The following RAB5B variants were observed in gnomAD, a reference collection of about 807,000 sequenced individuals.
RAB5B encodes RAB5B, member RAS oncogene family.
In RAB5B, 11 loss-of-function variants were observed where a neutral mutation model predicts 28.6. The observed-to-expected ratio is 0.38, with a 90% confidence interval of 0.24 to 0.64. The LOEUF (loss-of-function observed/expected upper bound fraction) is 0.64, where lower values mean the gene tolerates loss of function less well. RAB5B is among the 30% of genes least tolerant of loss of function. RAB5B has a pLI of 0.53. For missense variants in RAB5B, 169 were observed against 265.6 expected (o/e 0.64, Z 2.53); for synonymous variants, 93 against 97.9 (o/e 0.95, Z 0.29).
At chr12:55,975,886 GGAC>G (rs1889633478) in intron 1 of RAB5B, among the ~76,000 whole-genome samples, 1 of 150,626 alleles carries the variant, frequency 6.6e-6, no homozygotes, top group African/African-American at 2.4e-5. Context: ...CAAGTAGCTG[GGAC>G]TACAGGCGTG....
At chr12:55,975,790 CTT>C (rs1163535431) in intron 1 of RAB5B, among the ~76,000 whole-genome samples, 69 of 115,156 alleles carry the variant, frequency 6.0e-4, no homozygotes, top group African/African-American at 2.4e-3. Flanking sequence ...CACTACATTT[CTT>C]TTTTTTTTTT....
chr12:55,986,911 CTT>C lies in RAB5B; in HGVS notation c.-48_-47del. 1.3e-6 allele frequency: 1 copy of C among 752,548 alleles called. No individual in the cohort carries two copies. Among genetic ancestry groups the C allele is most frequent in the African/African-American group, 1.8e-5 (1 of 57,032 alleles). 46.6% of individuals were successfully genotyped at this position (752,548 alleles called of 1,614,324 possible). On this transcript the variant is annotated 5_prime_UTR_variant, in exon 2 of 6. Transcript: ENST00000360299. ...AATCCCCTCCCCTTCCCCCTCCCCC[CTT>C]TACAGTATCCCCCTCCCTCCACCCT...
chr12:55,992,556 A>G lies in RAB5B; in HGVS notation c.*344A>G, dbSNP rs978720535. On this transcript the variant is annotated 3_prime_UTR_variant, in exon 6 of 6. Transcript: ENST00000360299. ...TAGTGTTCCTCCCCATTTTTTCAGA[A>G]AACACTTCTGACTCCTGTCCCTTCC... 1.4e-4 allele frequency: 65 copies of G among 479,770 alleles called. No individual in the cohort carries two copies. Among genetic ancestry groups the G allele is most frequent in the African/African-American group, 1.2e-3 (62 of 51,134 alleles). 29.7% of individuals were successfully genotyped at this position (479,770 alleles called of 1,614,324 possible).
Position 55,992,565 on chromosome 12 carries a change from T to G in RAB5B, c.*353T>G. 2.1e-6 allele frequency: 1 copy of G among 473,718 alleles called. No homozygotes were observed. The highest frequency in any genetic ancestry group is 4.2e-6 in the Non-Finnish European group (1 of 238,298). 29.3% of individuals were successfully genotyped at this position (473,718 alleles called of 1,614,324 possible). A position where few individuals can be genotyped will look rare whatever the true frequency, so the allele number is the denominator to read the frequency against. ...TCCCCATTTTTTCAGAAAACACTTC[T>G]GACTCCTGTCCCTTCCCCTTCTGCT... On this transcript the variant is annotated 3_prime_UTR_variant, in exon 6 of 6. Coordinates refer to ENST00000360299, the MANE Select transcript of RAB5B (RefSeq NM_002868.4).
intron 1 of RAB5B, among the ~76,000 whole-genome samples, chr12:55,986,541 G>A (rs1244234750): frequency 6.6e-6 from 1 of 152,208 alleles, no homozygotes; most frequent in Non-Finnish European, 1.5e-5. Flanking sequence ...ATATTCTTCA[G>A]GCCAGCTAAA....
chr12:55,973,993 C>T (rs1001191972), upstream of RAB5B: 12 of 152,414 alleles, frequency 7.9e-5, no homozygotes, highest in African/African-American at 2.7e-4. Flanking sequence ...TATAGCCCAC[C>T]CTCGAAGGTA....
At chr12:55,974,524 C>T (rs1889591729) in intron 1 of RAB5B, among the ~76,000 whole-genome samples, 1 of 152,160 alleles carries the variant, frequency 6.6e-6, no homozygotes, top group Non-Finnish European at 1.5e-5. Context: ...AGGGTCAGAC[C>T]TGTCGCCCGA....
In RAB5B at chr12:55,992,654, C is replaced by A; in HGVS notation, c.*442C>A. ...CCCCAGGATGCAGAAAGTGGTGAAC[C>A]CAGGAACTGAGGAAGGAGGTTTCCA... On this transcript the variant is annotated 3_prime_UTR_variant, in exon 6 of 6. Transcript: ENST00000360299. 2.5e-6 allele frequency: 1 copy of A among 405,138 alleles called. No individual in the cohort carries two copies. Among genetic ancestry groups the A allele is most frequent in the Non-Finnish European group, 4.7e-6 (1 of 213,372 alleles). 25.1% of individuals were successfully genotyped at this position (405,138 alleles called of 1,614,324 possible).
In RAB5B at chr12:55,993,609, A is replaced by T. The variant is rs1274531229; in HGVS notation, c.*1397A>T. On this transcript the variant is annotated 3_prime_UTR_variant, in exon 6 of 6. Transcript: ENST00000360299. ...GGTATGATCTTTATTCCCACTGTAC[A>T]GTCTGTTCTATCCTCTGCCTCCCAT... 1 of 152,574 alleles carries T rather than the reference A, an allele frequency of 6.6e-6. No individual in the cohort carries two copies. The highest frequency in any genetic ancestry group is 1.5e-5 in the Non-Finnish European group (1 of 68,046). 9.5% of individuals were successfully genotyped at this position (152,574 alleles called of 1,614,324 possible).
chr12:55,995,990 TATA>T lies in RAB5B; in HGVS notation c.*3779_*3781del, dbSNP rs1565793128. 3 of 113,124 alleles carry T rather than the reference TATA, an allele frequency of 2.7e-5. 1 individual carries two copies. The highest frequency in any genetic ancestry group is 1.1e-4 in the African/African-American group (3 of 28,068). The allele number at this position is 113,124 out of a possible 1,614,324, so 7.0% of individuals were successfully genotyped here. On this transcript the variant is annotated 3_prime_UTR_variant, in exon 6 of 6. Transcript: ENST00000360299. ...CTCTCTCCATATATATATACATATA[TATA>T]TATATATATATTTTTTTTTTAACAA... is the stretch of plus-strand genomic sequence containing the variant.
chr12:55,974,441 G>A (rs1386492611), intron 1 of RAB5B, among the ~76,000 whole-genome samples: 2 of 152,252 alleles, frequency 1.3e-5, no homozygotes, highest in Admixed American at 6.5e-5. Flanking sequence ...TCATTAAGCA[G>A]CGCTGAAGAG....
intron 4 of RAB5B, 98 bp downstream of exon 4, chr12:55,990,902 T>A: frequency 6.9e-7 from 1 of 1,448,932 alleles, no homozygotes; most frequent in South Asian, 1.3e-5. Context: ...ACAGAGGACA[T>A]TCATTGTCTC....
chr12:55,987,312 C>T (rs766749669), intron 2 of RAB5B, among the ~76,000 whole-genome samples, 189 bp downstream of exon 2: 9 of 151,858 alleles, frequency 5.9e-5, no homozygotes, highest in Admixed American at 5.2e-4. Context: ...AGGTGCACAC[C>T]GTGGCACCTG....
intron 2 of RAB5B, among the ~76,000 whole-genome samples, chr12:55,988,385 G>C (rs1011345531): frequency 6.6e-6 from 1 of 152,016 alleles, no homozygotes; most frequent in Non-Finnish European, 1.5e-5. Flanking sequence ...AAATACAAAG[G>C]GTGTCTGTCT....
intron 1 of RAB5B, among the ~76,000 whole-genome samples, chr12:55,983,746 C>T (rs1889874174): frequency 6.7e-6 from 1 of 148,424 alleles, no homozygotes; most frequent in African/African-American, 2.5e-5. Flanking sequence ...CAACCTTCAA[C>T]TCCTGGGCTC....
Position 55,975,622 on chromosome 12 carries a change from A to T in RAB5B, c.-93+1483A>T, listed in dbSNP as rs1565784382. Among the ~76,000 whole-genome samples the T allele has an allele frequency of 2.0e-5, 3 of 151,894 alleles. No individual in the cohort carries two copies. In the South Asian group the frequency reaches 6.2e-4, roughly 32 times the overall value. On this transcript the variant is annotated intron_variant, in intron 1 of 5. Coordinates refer to ENST00000360299, the MANE Select transcript of RAB5B (RefSeq NM_002868.4). ...GAATGAGACCCTGTCTCCAAAAAAA[A>T]AAAAGACAAAGATTGCCAAAGCAGA...
intron 2 of RAB5B, 52 bp from the exon 3 acceptor site, chr12:55,989,894 TC>T: frequency 6.4e-7 from 1 of 1,557,724 alleles, no homozygotes. Flanking sequence ...GGAGGGATGT[TC>T]CCATTCATCC....
chr12:55,983,788 G>C (rs1236929429), intron 1 of RAB5B, among the ~76,000 whole-genome samples: 1 of 151,312 alleles, frequency 6.6e-6, no homozygotes, highest in Non-Finnish European at 1.5e-5. Context: ...CTCTGGAGTA[G>C]CTGGGATTAC....
chr12:55,980,343 C>G (rs1889766266), intron 1 of RAB5B: 6 of 1,142,420 alleles, frequency 5.3e-6, no homozygotes, highest in Non-Finnish European at 5.3e-6. Context: ...AGCCCCTCTG[C>G]TATTTCTCCC....
Sources: allele counts gnomAD v4.1 joint callset (sites outside exome capture counted in the v4.1 genomes callset), GRCh38; gene constraint gnomAD v4.1.1; transcripts MANE v1.5; gene names NCBI Gene and HGNC (gene_info 2026-07-23, HGNC 2026-07-21).